CCDC3: variants seen among roughly 807,000 people sequenced by gnomAD.
The protein encoded by CCDC3 is coiled-coil domain-containing protein 3.
A neutral mutation model predicts 21.4 loss-of-function variants in CCDC3; 24 were observed. The ratio of observed to expected loss-of-function variants is 1.12; its 90% CI spans 0.81 to 1.58. The LOEUF is 1.58. Among genes scored for constraint, CCDC3 ranks in the 40% most tolerant of loss-of-function variants. The pLI is 0.00. For synonymous variants in CCDC3, 186 were observed against 166.0 expected (o/e 1.12, Z -0.93); for missense variants, 425 against 360.9 (o/e 1.18, Z -1.44).
intron 2 of CCDC3, among the ~76,000 whole-genome samples, chr10:12,941,394 T>G (rs1834829103): frequency 6.6e-6 from 1 of 152,238 alleles, no homozygotes. Context: ...ATTCTTGTAC[T>G]TTCTTTCATT....
intron 2 of CCDC3, among the ~76,000 whole-genome samples, chr10:12,966,801 C>T (rs1835268794): frequency 6.6e-6 from 1 of 152,182 alleles, no homozygotes; most frequent in Non-Finnish European, 1.5e-5. Flanking sequence ...CCTTCAAATT[C>T]CAACGTGTTC....
chr10:12,955,805 C>T (rs889132019), intron 2 of CCDC3, among the ~76,000 whole-genome samples: 9 of 152,018 alleles, frequency 5.9e-5, no homozygotes, highest in African/African-American at 1.4e-4. Flanking sequence ...TGCAGTGGTG[C>T]GATCTCAGCT....
intron 2 of CCDC3, among the ~76,000 whole-genome samples, chr10:12,935,080 T>G (rs1015448508): frequency 4.6e-5 from 7 of 151,888 alleles, no homozygotes; most frequent in African/African-American, 1.7e-4. Flanking sequence ...TTTTAAGAGA[T>G]AGGGTCTTGC....
intron 4 of CCDC3, among the ~76,000 whole-genome samples, chr10:13,054,421 C>A (rs187401021): frequency 6.6e-6 from 1 of 152,088 alleles, no homozygotes; most frequent in African/African-American, 2.4e-5. Flanking sequence ...TTTTGTCCCC[C>A]ACTCAGTAGC....
chr10:13,079,580 G>A (rs960438947), intron 3 of CCDC3, among the ~76,000 whole-genome samples: 3 of 152,184 alleles, frequency 2.0e-5, no homozygotes, highest in Non-Finnish European at 2.9e-5. Flanking sequence ...GAAAAGCCAC[G>A]GGGTTGGGGG....
At chr10:13,047,642 G>C (rs1836545958) in intron 5 of CCDC3, among the ~76,000 whole-genome samples, 2 of 152,098 alleles carry the variant, frequency 1.3e-5, no homozygotes, top group African/African-American at 4.8e-5. Flanking sequence ...TCAGTAATCT[G>C]CTCCGGAGCC....
At chr10:12,955,255 C>A (rs2580893) in intron 2 of CCDC3, among the ~76,000 whole-genome samples, 151,057 of 152,306 alleles carry the variant, frequency 0.99, 74,928 homozygotes, top group Middle Eastern at 1. Context: ...CCTAAGGTAA[C>A]TGAAACAATG....
At chr10:12,926,940 C>T (rs998138675) in intron 2 of CCDC3, among the ~76,000 whole-genome samples, 1 of 151,924 alleles carries the variant, frequency 6.6e-6, no homozygotes, top group African/African-American at 2.4e-5. Flanking sequence ...TTATTTAGCA[C>T]TAGAAAGATG....
intron 2 of CCDC3, among the ~76,000 whole-genome samples, chr10:12,928,980 G>C (rs886152243): frequency 2.0e-5 from 3 of 152,224 alleles, no homozygotes; most frequent in Non-Finnish European, 1.5e-5. Context: ...AGGATTAATT[G>C]AAAGTTCAGC....
At chr10:13,099,785 C>G (rs1175629147), upstream of CCDC3, 2 of 152,024 alleles carry the variant, frequency 1.3e-5, no homozygotes, top group Non-Finnish European at 2.9e-5. Flanking sequence ...TGGGCGGCAG[C>G]GACCCCCTGC....
At chr10:13,019,543 C>T (rs1486133486) in intron 5 of CCDC3, among the ~76,000 whole-genome samples, 1 of 152,222 alleles carries the variant, frequency 6.6e-6, no homozygotes, top group Non-Finnish European at 1.5e-5. Context: ...CTAACTTCTA[C>T]CCCTAAGTAA....
chr10:12,977,068 G>A (rs1835428286), intron 2 of CCDC3, among the ~76,000 whole-genome samples: 1 of 152,174 alleles, frequency 6.6e-6, no homozygotes, highest in African/African-American at 2.4e-5. Context: ...GAGGTCAGGA[G>A]TTTGAGACCA....
At chr10:12,938,375 A>G (rs1834772417) in intron 2 of CCDC3, among the ~76,000 whole-genome samples, 1 of 152,224 alleles carries the variant, frequency 6.6e-6, no homozygotes. Flanking sequence ...TAATGCATCC[A>G]GCACTGGCTG....
intron 5 of CCDC3, among the ~76,000 whole-genome samples, chr10:13,018,844 G>A (rs1168877920): frequency 1.3e-5 from 2 of 151,962 alleles, no homozygotes; most frequent in African/African-American, 4.8e-5. Context: ...TGAGACAGGA[G>A]AATTTGGCTT....
chr10:13,005,475 C>T (rs1265242424), upstream of CCDC3, among the ~76,000 whole-genome samples: 1 of 152,154 alleles, frequency 6.6e-6, no homozygotes, highest in Non-Finnish European at 1.5e-5. Flanking sequence ...CATACAACAC[C>T]CAATTCATGA....
intron 3 of CCDC3, among the ~76,000 whole-genome samples, chr10:13,095,409 G>A (rs1278630321): frequency 4.9e-5 from 7 of 143,888 alleles, no homozygotes; most frequent in Admixed American, 4.8e-4. Flanking sequence ...TTTCATGGAA[G>A]ACAATTTTTC....
At chr10:12,928,245 T>C (rs2131224108) in intron 2 of CCDC3, among the ~76,000 whole-genome samples, 1 of 152,268 alleles carries the variant, frequency 6.6e-6, no homozygotes, top group South Asian at 2.1e-4. Flanking sequence ...CACACCAGAT[T>C]CAAATTTTAT....
chr10:13,004,689 G>A (rs943725722), upstream of CCDC3, among the ~76,000 whole-genome samples: 1 of 151,742 alleles, frequency 6.6e-6, no homozygotes, highest in African/African-American at 2.4e-5. Context: ...GACATATTAG[G>A]CTCTCAGCAG....
rs1051241928 is a variant in CCDC3 at position 13,057,014 on chromosome 10, C to T, written c.-269-7073G>A. 1.2e-4 allele frequency among the ~76,000 whole-genome samples: 19 copies of T among 152,174 alleles called. No individual in the cohort carries two copies. In the East Asian group the frequency reaches 2.5e-3, roughly 20 times the overall value. ...TAGTTCTAAAATGAGGGGACAGGCC[C>T]GGCACAGTAGCTCTTGCATGTAATC... On this transcript the variant is annotated intron_variant, in intron 4 of 6. Coordinates refer to the CCDC3 transcript ENST00000378839.
Sources: allele counts gnomAD v4.1 joint callset (sites outside exome capture counted in the v4.1 genomes callset), GRCh38; gene constraint gnomAD v4.1.1; transcripts MANE v1.5; gene names NCBI Gene and HGNC (gene_info 2026-07-23, HGNC 2026-07-21).